RNF213: variants seen among roughly 807,000 people sequenced by gnomAD.
The protein encoded by RNF213 is ring finger protein 213.
RNF213 carries 341 observed loss-of-function variants against 514.4 expected under a neutral mutation model. The observed-to-expected ratio is 0.66, with a 90% confidence interval of 0.61 to 0.73. The LOEUF is 0.73. Among genes scored for constraint, RNF213 ranks in the 30% least tolerant of loss-of-function variants. The probability of loss-of-function intolerance (pLI) is 0.00; values close to 1 mark genes in which losing one functional copy is unlikely to be tolerated. For missense variants in RNF213, 5,767 were observed against 6,615.6 expected, an observed-to-expected ratio of 0.87 and a Z score of 4.45; for synonymous variants, 2,655 against 2,658.2, an observed-to-expected ratio of 1.00 and a Z score of 0.04.
chr17:80,394,164 G>A lies in RNF213; in HGVS notation c.*666G>A, dbSNP rs1268841400. ...TGAAAGGCACTGGACTTGGACCAGG[G>A]ACACCATCAGGGCCTTGGTTTTCTC... On this transcript the variant is annotated 3_prime_UTR_variant, in exon 68 of 68. Transcript: ENST00000582970. The A allele has an allele frequency of 6.6e-6, 1 of 152,546 alleles. No individual in the cohort carries two copies. The highest frequency in any genetic ancestry group is 1.5e-5 in the Non-Finnish European group (1 of 68,280). The allele number at this position is 152,546 out of a possible 1,614,324, so 9.4% of individuals were successfully genotyped here. A position where few individuals can be genotyped will look rare whatever the true frequency, so the allele number is the denominator to read the frequency against.
intron 38 of RNF213, 129 bp from the exon 39 acceptor site, chr17:80,361,605 T>C: frequency 1.1e-6 from 1 of 897,604 alleles, no homozygotes; most frequent in Non-Finnish European, 1.8e-6. Flanking sequence ...AGGCAGTTGG[T>C]ACCCCTTTGT....
chr17:80,332,683 C>G, intron 21 of RNF213, 52 bp downstream of exon 21: 1 of 1,447,952 alleles, frequency 6.9e-7, no homozygotes. Flanking sequence ...CCTGCCTCAG[C>G]CTCTTCAGGA....
At chr17:80,331,854 G>T (rs2046425550) in intron 20 of RNF213, among the ~76,000 whole-genome samples, 152 bp from the exon 21 acceptor site, 1 of 152,234 alleles carries the variant, frequency 6.6e-6, no homozygotes, top group African/African-American at 2.4e-5. Context: ...GGGAGGGAAA[G>T]ACCTGTGAAC....
At chr17:80,354,383 T>C (rs2078652299) in intron 35 of RNF213, 58 bp from the exon 36 acceptor site, 1 of 1,613,262 alleles carries the variant, frequency 6.2e-7, no homozygotes. Flanking sequence ...ACAGAAGCAC[T>C]CCGGAGCCAA....
chr17:80,325,443 C>T (rs984860765), intron 18 of RNF213, among the ~76,000 whole-genome samples: 4 of 152,084 alleles, frequency 2.6e-5, no homozygotes, highest in Admixed American at 2.0e-4. Context: ...TGTGCTGGGT[C>T]GCAAGGGAAG....
At chr17:80,385,677 C>A in intron 61 of RNF213, 56 bp downstream of exon 61, 1 of 1,467,190 alleles carries the variant, frequency 6.8e-7, no homozygotes, top group Non-Finnish European at 9.5e-7. Flanking sequence ...CGTCTGAAAG[C>A]TCTTCTCGTC....
chr17:80,376,446 C>T lies in RNF213; in HGVS notation c.13331C>T (p.Thr4444Ile), dbSNP rs186662835. Residue 4444 changes from threonine (T) to isoleucine (I), a missense_variant, in exon 52 of 68, where the codon ACA becomes ATA. Physicochemically the swap from Thr to Ile is moderately conservative, Grantham distance 89 (BLOSUM62 -1). Transcript: ENST00000582970. ...PSDSNLDGTV[T>I]EMAIHAAAVL... ...GACAGCAACCTTGATGGAACGGTGA[C>T]AGAAATGGCCATTCATGCTGCAGCC... 2 of 1,614,200 alleles carry T rather than the reference C, an allele frequency of 1.2e-6. No homozygotes were observed. The highest frequency in any genetic ancestry group is 2.2e-5 in the East Asian group (1 of 44,880).
rs2078579652 is a variant in RNF213 at position 80,352,844 on chromosome 17, A to G, written c.10304-96A>G. On this transcript the variant is annotated intron_variant, in intron 32 of 67. Coordinates refer to ENST00000582970, the MANE Select transcript of RNF213 (RefSeq NM_001256071.3). ...TGCCAGTCATTCATTGCGCAGCAAG[A>G]TAATGACAAGCCAGGGTGTGCAATG... 3 of 1,576,090 alleles carry G rather than the reference A, an allele frequency of 1.9e-6. No individual in the cohort carries two copies. The South Asian group carries it at 3.3e-5, about 17-fold the overall frequency.
In RNF213 at chr17:80,324,841, C is replaced by T. The variant is rs553119594; in HGVS notation, c.3025-189C>T. 1.3e-4 allele frequency among the ~76,000 whole-genome samples: 20 copies of T among 152,042 alleles called. No individual in the cohort carries two copies. The East Asian group carries it at 3.7e-3, about 28-fold the overall frequency. ...CTCTGGTGCTGGACACTTAAGGAGG[C>T]AGTATACAAGGAAATGAAAATTTTC... On this transcript the variant is annotated intron_variant, in intron 17 of 67. Transcript: ENST00000582970.
intron 2 of RNF213, among the ~76,000 whole-genome samples, chr17:80,271,411 A>G (rs1261780065): frequency 6.6e-6 from 1 of 152,162 alleles, no homozygotes; most frequent in Non-Finnish European, 1.5e-5. Context: ...AGAGGAGGAG[A>G]GGGCAGTGAC....
intron 18 of RNF213, among the ~76,000 whole-genome samples, chr17:80,327,189 G>A (rs939148625): frequency 3.3e-5 from 5 of 152,198 alleles, no homozygotes; most frequent in African/African-American, 1.2e-4. Flanking sequence ...AGAAGATTCT[G>A]TGTATTCTAT....
rs1027547148 is a variant in RNF213, at chr17:80,336,322, C to T, written c.4471C>T (p.His1491Tyr). Reference sequence around the variant, plus strand: ...CGTGGACTTCAGTGCATTCATGAAGCATCTGAAAAAGCTGTGGAAGGCTCT... The same window carrying T: ...CGTGGACTTCAGTGCATTCATGAAGTATCTGAAAAAGCTGTGGAAGGCTCT... ...PSVDFSAFMK[H>Y]LKKLWKALDK... The change falls in exon 23 of 68, where the codon CAT becomes TAT. Residue 1491 changes from histidine to tyrosine, a missense_variant. Physicochemically the swap from His to Tyr is moderately conservative, Grantham distance 83 (BLOSUM62 2). Coordinates refer to ENST00000582970, the MANE Select transcript of RNF213 (RefSeq NM_001256071.3). The T allele has an allele frequency of 7.2e-6, 11 of 1,537,286 alleles. No individual in the cohort carries two copies. Among genetic ancestry groups the T allele is most frequent in the Admixed American group, 5.9e-5 (3 of 51,002 alleles).
rs756005463 is a variant in RNF213 at position 80,363,630 on chromosome 17, A to G, written c.11590A>G (p.Met3864Val). The G allele has an allele frequency of 1.6e-5, 26 of 1,613,820 alleles. No individual in the cohort carries two copies. Among genetic ancestry groups the G allele is most frequent in the Non-Finnish European group, 2.0e-5 (24 of 1,180,042 alleles). Residue 3864 changes from methionine to valine, a missense_variant, in exon 41 of 68, where the codon ATG becomes GTG. Around this residue, in one of 13 missense-constraint regions of RNF213, gnomAD observed 355 missense variants for 358.0 expected, o/e 0.99. Transcript: ENST00000582970. The stretch of plus-strand genomic sequence containing the variant: ...CCAGACCCTGGACGCATTTGCCGCA[A>G]TGGCCTGCACGGAGATGCTGACAAG... ...CEMTLDAFAAMACTEMLTRNT... is the reference protein window; with the variant it reads ...CEMTLDAFAAVACTEMLTRNT...
chr17:80,280,277 GAGA>G (rs1391879160), intron 3 of RNF213, among the ~76,000 whole-genome samples: 6 of 152,184 alleles, frequency 3.9e-5, no homozygotes, highest in Non-Finnish European at 8.8e-5. Context: ...GCCATGCGAG[GAGA>G]AGAAGGCTCG....
intron 36 of RNF213, chr17:80,355,077 A>G: frequency 2.5e-6 from 1 of 394,174 alleles, no homozygotes; most frequent in Middle Eastern, 4.1e-4. Context: ...CCGTGTATTG[A>G]GGAAGGAGGG....
chr17:80,324,403 A>G (rs1403830866), intron 17 of RNF213, among the ~76,000 whole-genome samples: 2 of 152,200 alleles, frequency 1.3e-5, no homozygotes, highest in Non-Finnish European at 2.9e-5. Flanking sequence ...TGTTAAATCA[A>G]CCTTTCATCC....
chr17:80,288,461 G>C lies in RNF213; in HGVS notation c.810+98G>C. ...GGCGTTGCTTCCCTGCCGGGGGGAG[G>C]GGCGTCCTCTGGGCCCTGCTCCCTG... On this transcript the variant is annotated intron_variant, in intron 4 of 67. Coordinates refer to ENST00000582970, the MANE Select transcript of RNF213 (RefSeq NM_001256071.3). This position sits in a 1 kb window ranked among gnomAD's most constrained non-coding sequence, Gnocchi z 4.9. 3 of 1,596,316 alleles carry C rather than the reference G, an allele frequency of 1.9e-6. No individual in the cohort carries two copies. The highest frequency in any genetic ancestry group is 2.6e-6 in the Non-Finnish European group (3 of 1,170,300).
intron 67 of RNF213, among the ~76,000 whole-genome samples, chr17:80,391,675 T>G (rs2080476880): frequency 6.6e-6 from 1 of 151,400 alleles, no homozygotes; most frequent in South Asian, 2.1e-4. Flanking sequence ...TTTTATGAAG[T>G]CAAATCTGAC....
Position 80,276,606 on chromosome 17 carries a change from CAA to C in RNF213, c.261+3204_261+3205del, listed in dbSNP as rs149328179. On this transcript the variant is annotated intron_variant, in intron 3 of 67. Coordinates refer to ENST00000582970, the MANE Select transcript of RNF213 (RefSeq NM_001256071.3). The stretch of plus-strand genomic sequence containing the variant: ...ACTGGGTGACTGTGAGATCCTTCCT[CAA>C]AGAGAGAGAGAGAGAAGGAAGGAAG... 9.4e-3 allele frequency among the ~76,000 whole-genome samples: 1,407 copies of C among 149,408 alleles called. 21 individuals carry two copies. The highest frequency in any genetic ancestry group is 0.032 in the African/African-American group (1,292 of 40,472).
Sources: gnomAD v4.1 joint callset for allele counts (sites outside exome capture counted in the v4.1 genomes callset) on GRCh38, gnomAD v4.1.1 for gene constraint, gnomAD v4.1.1 regional missense constraint, Gnocchi (gnomAD v3.1) non-coding constraint, MANE v1.5 for transcripts, NCBI Gene and HGNC (gene_info 2026-07-23, HGNC 2026-07-21) for gene names.